Variants in AUTS2 observed in about 807,000 individuals in gnomAD.
AUTS2 encodes activator of transcription and developmental regulator AUTS2, also known as autism susceptibility gene 2 protein.
A neutral mutation model predicts 112.4 loss-of-function variants in AUTS2; 17 were observed. That is an observed-to-expected ratio of 0.15 (90% confidence interval 0.10 to 0.23). AUTS2 has a LOEUF of 0.23. Ranked by LOEUF, AUTS2 falls within the 10% of genes least tolerant of loss-of-function variation. The pLI, the probability that AUTS2 is intolerant of heterozygous loss-of-function variation, is 1.00. For synonymous variants in AUTS2, 751 were observed against 702.7 expected, an observed-to-expected ratio of 1.07 and a Z score of -1.09; for missense variants, 1,510 against 1,701.6, an observed-to-expected ratio of 0.89 and a Z score of 1.98.
chr7:70,092,259 G>A (rs192155290), intron 2 of AUTS2, among the ~76,000 whole-genome samples: 7 of 152,058 alleles, frequency 4.6e-5, no homozygotes, highest in African/African-American at 1.4e-4. Context: ...CTTAATTATC[G>A]CAGGAATTTT....
chr7:70,453,683 T>C (rs1169456945), intron 5 of AUTS2, among the ~76,000 whole-genome samples: 1 of 152,218 alleles, frequency 6.6e-6, no homozygotes, highest in Non-Finnish European at 1.5e-5. Flanking sequence ...ATTCCTTGGC[T>C]CTGGCAGCAT....
In AUTS2 at chr7:70,065,703, AATATAT is replaced by A. The variant is rs993689147; in HGVS notation, c.523-52422_523-52417del. On this transcript the variant is annotated intron_variant, in intron 2 of 18. Transcript: ENST00000342771. ...CCAGAGTGAAACTCCATCTCAAAAA[AATATAT>A]ATATATTATTATTTTTAATAGGGTC... 4.0e-5 allele frequency among the ~76,000 whole-genome samples: 6 copies of A among 151,896 alleles called. No individual in the cohort carries two copies. In the South Asian group the frequency reaches 8.3e-4, roughly 21 times the overall value.
intron 6 of AUTS2, among the ~76,000 whole-genome samples, chr7:70,702,135 A>G (rs1156536931): frequency 6.6e-6 from 1 of 152,252 alleles, no homozygotes; most frequent in Non-Finnish European, 1.5e-5. Flanking sequence ...TGCCAAGATA[A>G]TGAATCTTTC....
chr7:70,161,435 G>C (rs1321356515), intron 4 of AUTS2, among the ~76,000 whole-genome samples: 1 of 151,606 alleles, frequency 6.6e-6, no homozygotes, highest in Non-Finnish European at 1.5e-5. Flanking sequence ...CTTGATGAAA[G>C]CTTTTTGTTT....
At chr7:69,949,060 G>T (rs557293551) in intron 2 of AUTS2, among the ~76,000 whole-genome samples, 1 of 152,136 alleles carries the variant, frequency 6.6e-6, no homozygotes, top group Non-Finnish European at 1.5e-5. Context: ...GCCTGCCTTG[G>T]CCTCCCAAAA....
At chr7:69,685,322 G>A (rs976565129) in intron 1 of AUTS2, among the ~76,000 whole-genome samples, 1 of 152,170 alleles carries the variant, frequency 6.6e-6, no homozygotes, top group Admixed American at 6.5e-5. Context: ...AGTTCTAGAC[G>A]TTTCTGTGAC....
chr7:69,999,012 T>C (rs962926929), intron 2 of AUTS2, among the ~76,000 whole-genome samples: 1 of 152,158 alleles, frequency 6.6e-6, no homozygotes, highest in Admixed American at 6.6e-5. Context: ...CTATGTGATA[T>C]GTTTACTACC....
rs35215443 is a variant in AUTS2, at chr7:70,185,257, C to CTTTTTTTTTTTTTTTTTT, written c.660+50696_660+50713dup. On this transcript the variant is annotated intron_variant, in intron 4 of 18. Coordinates refer to ENST00000342771, the MANE Select transcript of AUTS2 (RefSeq NM_015570.4). ...TGCTTTGGGCCTAAATGACATTAAA[C>CTTTTTTTTTTTTTTTTTT]TTTTTTTTTTTTTTTTTTTTTTTTT... is the stretch of plus-strand genomic sequence containing the variant. Among the ~76,000 whole-genome samples the CTTTTTTTTTTTTTTTTTT allele has an allele frequency of 9.3e-4, 81 of 87,116 alleles. 2 individuals carry two copies. Among genetic ancestry groups the CTTTTTTTTTTTTTTTTTT allele is most frequent in the Middle Eastern group, 9.3e-3 (1 of 108 alleles). The allele number at this position is 87,116 out of a possible 152,430, so 57.2% of individuals were successfully genotyped here. A position where few individuals can be genotyped will look rare whatever the true frequency, so the allele number is the denominator to read the frequency against.
intron 1 of AUTS2, among the ~76,000 whole-genome samples, chr7:69,813,312 T>C (rs1207637352): frequency 6.6e-6 from 1 of 152,206 alleles, no homozygotes; most frequent in Admixed American, 6.5e-5. Flanking sequence ...TGTCCACCTG[T>C]ATTTCTATTG....
chr7:69,757,337 A>T (rs974606643), intron 1 of AUTS2, among the ~76,000 whole-genome samples: 1 of 152,242 alleles, frequency 6.6e-6, no homozygotes, highest in South Asian at 2.1e-4. Flanking sequence ...GGTAGTAGAG[A>T]TAAAAGGATT....
At chr7:70,507,007 C>A (rs1272460237) in intron 5 of AUTS2, among the ~76,000 whole-genome samples, 1 of 152,210 alleles carries the variant, frequency 6.6e-6, no homozygotes, top group Non-Finnish European at 1.5e-5. Flanking sequence ...CTCTCCAAGA[C>A]AGGGACCACT....
At chr7:70,640,824 A>G (rs1805788247) in intron 5 of AUTS2, among the ~76,000 whole-genome samples, 1 of 152,228 alleles carries the variant, frequency 6.6e-6, no homozygotes, top group Non-Finnish European at 1.5e-5. Flanking sequence ...TCCACCAGGC[A>G]GGCCCTGAAA....
intron 5 of AUTS2, among the ~76,000 whole-genome samples, chr7:70,456,157 C>A (rs956018874): frequency 2.0e-5 from 3 of 152,216 alleles, no homozygotes; most frequent in African/African-American, 7.2e-5. Context: ...AGTTCAAGGG[C>A]AGACTGGCCC....
At chr7:70,379,685 T>G (rs1444811434) in intron 4 of AUTS2, among the ~76,000 whole-genome samples, 1 of 152,114 alleles carries the variant, frequency 6.6e-6, no homozygotes. Context: ...TCAACAGAAA[T>G]ATTCAAATAC....
At chr7:70,317,177 G>T (rs1790035460) in intron 4 of AUTS2, 1 of 151,850 alleles carries the variant, frequency 6.6e-6, no homozygotes, top group Non-Finnish European at 1.5e-5. Context: ...TAACCTTCTT[G>T]AAAAAAATGT....
chr7:70,284,668 T>A (rs553535635), intron 4 of AUTS2, among the ~76,000 whole-genome samples: 1 of 152,348 alleles, frequency 6.6e-6, no homozygotes, highest in African/African-American at 2.4e-5. Context: ...TTAATGAACT[T>A]CCATTCTGCT....
intron 6 of AUTS2, among the ~76,000 whole-genome samples, chr7:70,762,198 A>T (rs1789605342): frequency 6.6e-6 from 1 of 152,238 alleles, no homozygotes. Flanking sequence ...TATTTGTTTT[A>T]AAAGGGAAAA....
intron 5 of AUTS2, chr7:70,596,073 C>T (rs1267231380): frequency 6.6e-6 from 1 of 152,336 alleles, no homozygotes; most frequent in African/African-American, 2.4e-5. Flanking sequence ...GTCAAGTTTC[C>T]CCACCGTGGG....
intron 4 of AUTS2, among the ~76,000 whole-genome samples, chr7:70,312,062 T>G (rs775250344): frequency 6.6e-6 from 1 of 152,084 alleles, no homozygotes; most frequent in Non-Finnish European, 1.5e-5. Context: ...TTTCACCACA[T>G]TGGCTAGGCT....
Sources: allele counts gnomAD v4.1 joint callset (sites outside exome capture counted in the v4.1 genomes callset), GRCh38; gene constraint gnomAD v4.1.1; transcripts MANE v1.5; gene names NCBI Gene and HGNC (gene_info 2026-07-23, HGNC 2026-07-21).